Variants in NDST3 observed in about 807,000 individuals in gnomAD.
The protein encoded by NDST3 is bifunctional heparan sulfate N-deacetylase/N-sulfotransferase 3.
In NDST3, 58 loss-of-function variants were observed where a neutral mutation model predicts 96.1. The ratio of observed to expected loss-of-function variants is 0.60; its 90% CI spans 0.49 to 0.75. The LOEUF is 0.75. Among genes scored for constraint, NDST3 ranks in the 30% least tolerant of loss-of-function variants. The probability of loss-of-function intolerance (pLI) is 0.00; values close to 1 mark genes in which losing one functional copy is unlikely to be tolerated. For missense variants in NDST3, 788 were observed against 1,034.2 expected, an observed-to-expected ratio of 0.76 and a Z score of 3.27; for synonymous variants, 333 against 359.7, an observed-to-expected ratio of 0.93 and a Z score of 0.84.
chr4:118,258,572 G>GATAT lies in NDST3; in HGVS notation c.*2862_*2865dup, dbSNP rs1460294871. 1.4e-4 allele frequency: 21 copies of GATAT among 152,044 alleles called. No individual in the cohort carries two copies. Among genetic ancestry groups the GATAT allele is most frequent in the African/African-American group, 4.8e-4 (20 of 41,408 alleles). 9.4% of individuals were successfully genotyped at this position (152,044 alleles called of 1,614,324 possible). On this transcript the variant is annotated 3_prime_UTR_variant, in exon 14 of 14. Coordinates refer to ENST00000296499, the MANE Select transcript of NDST3 (RefSeq NM_004784.3). ...TGAGTTTTTTAAAATAAAAAACCTAGATATAATTCTGATAGTAGCATGGTA... is the reference window on the plus strand; with the variant it reads ...TGAGTTTTTTAAAATAAAAAACCTAGATATATATAATTCTGATAGTAGCATGGTA...
chr4:118,188,504 G>A (rs1737110694), intron 6 of NDST3, among the ~76,000 whole-genome samples: 1 of 151,892 alleles, frequency 6.6e-6, no homozygotes, highest in African/African-American at 2.4e-5. Flanking sequence ...TCCGATTTAG[G>A]TGCAGAGCAC....
intron 4 of NDST3, among the ~76,000 whole-genome samples, chr4:118,121,373 A>G (rs1731554293): frequency 6.6e-6 from 1 of 152,172 alleles, no homozygotes; most frequent in South Asian, 2.1e-4. Flanking sequence ...ATCATATCTA[A>G]TTATTTTTAG....
Position 118,103,411 on chromosome 4 carries a change from A to C in NDST3, c.982-1607A>C, listed in dbSNP as rs1729917321. Reference sequence around the variant, plus strand: ...GAACAACAGAATTGAGAGAGGAAGAAGGGGAGAAGAAAGAAAGGGAAGATA... The same window carrying C: ...GAACAACAGAATTGAGAGAGGAAGACGGGGAGAAGAAAGAAAGGGAAGATA... On this transcript the variant is annotated intron_variant, in intron 2 of 13. Transcript: ENST00000296499. 3.3e-5 allele frequency among the ~76,000 whole-genome samples: 5 copies of C among 152,238 alleles called. 1 individual carries two copies. The South Asian group carries it at 1.0e-3, about 32-fold the overall frequency.
In NDST3 at chr4:118,194,235, G is replaced by A. The variant is rs1015554006; in HGVS notation, c.1540-30256G>A. 27 of 726,474 alleles carry A rather than the reference G, an allele frequency of 3.7e-5. No homozygotes were observed. In the Admixed American group the frequency reaches 4.6e-4, roughly 12 times the overall value. 45.0% of individuals were successfully genotyped at this position (726,474 alleles called of 1,614,324 possible). ...AACTAGTCCTTGTAGCACCCTTCCA[G>A]TGCAATCTCCATGATAGCACCCTCA... On this transcript the variant is annotated intron_variant, in intron 6 of 13. Coordinates refer to ENST00000296499, the MANE Select transcript of NDST3 (RefSeq NM_004784.3).
At chr4:118,120,011 G>C (rs1009711396) in intron 4 of NDST3, among the ~76,000 whole-genome samples, 2 of 152,068 alleles carry the variant, frequency 1.3e-5, no homozygotes, top group Non-Finnish European at 2.9e-5. Flanking sequence ...ATAAGGAAAA[G>C]TATGGAAGTC....
chr4:118,052,449 CT>C (rs1271806747), intron 1 of NDST3, among the ~76,000 whole-genome samples: 1 of 151,976 alleles, frequency 6.6e-6, no homozygotes, highest in African/African-American at 2.4e-5. Context: ...TGCTTACTGC[CT>C]GGGTGACGGG....
intron 1 of NDST3, among the ~76,000 whole-genome samples, chr4:118,044,864 CTT>C: frequency 6.6e-6 from 1 of 152,110 alleles, no homozygotes. Context: ...TTATGACACT[CTT>C]GAGATAAGTA....
intron 6 of NDST3, among the ~76,000 whole-genome samples, chr4:118,154,023 T>C (rs574483956): frequency 1.9e-4 from 29 of 152,204 alleles, no homozygotes; most frequent in African/African-American, 6.3e-4. Context: ...AAAATATCTA[T>C]AGTGAACACC....
At chr4:118,111,074 C>A (rs1298266270) in intron 3 of NDST3, among the ~76,000 whole-genome samples, 1 of 152,142 alleles carries the variant, frequency 6.6e-6, no homozygotes, top group African/African-American at 2.4e-5. Context: ...AGCAGAAAAC[C>A]AAATACCACA....
chr4:118,149,061 T>C (rs1734175612), intron 6 of NDST3, among the ~76,000 whole-genome samples: 1 of 152,104 alleles, frequency 6.6e-6, no homozygotes, highest in Admixed American at 6.5e-5. Flanking sequence ...GATCAGATAG[T>C]TGTAGATATG....
At chr4:118,089,323 AT>A (rs953670226) in intron 2 of NDST3, among the ~76,000 whole-genome samples, 2 of 151,798 alleles carry the variant, frequency 1.3e-5, no homozygotes, top group African/African-American at 4.8e-5. Flanking sequence ...CATTTACTAC[AT>A]TTTTTTGAAG....
chr4:118,121,195 T>A (rs1011709138), intron 4 of NDST3, among the ~76,000 whole-genome samples: 2 of 152,204 alleles, frequency 1.3e-5, no homozygotes, highest in East Asian at 3.8e-4. Flanking sequence ...CAAGTATGAC[T>A]TTTGCATCTT....
intron 12 of NDST3, among the ~76,000 whole-genome samples, chr4:118,248,367 A>G (rs554003449): frequency 1.3e-5 from 2 of 150,860 alleles, no homozygotes; most frequent in African/African-American, 5.0e-5. Context: ...AAGAAAAAAA[A>G]AAGTCACTGT....
chr4:118,082,816 G>A (rs186674835), intron 2 of NDST3, among the ~76,000 whole-genome samples: 16 of 152,232 alleles, frequency 1.1e-4, no homozygotes, highest in Admixed American at 2.0e-4. Flanking sequence ...TTGACTCACC[G>A]TTCCATGGGC....
At chr4:118,095,193 T>C (rs770263599) in intron 2 of NDST3, among the ~76,000 whole-genome samples, 4 of 151,832 alleles carry the variant, frequency 2.6e-5, no homozygotes, top group Admixed American at 1.3e-4. Flanking sequence ...GGGGAGAGCA[T>C]ATCCTTAAGA....
intron 1 of NDST3, among the ~76,000 whole-genome samples, chr4:118,038,625 T>G (rs555194902): frequency 1.3e-5 from 2 of 152,348 alleles, no homozygotes; most frequent in South Asian, 2.1e-4. Context: ...TTGTCAATTT[T>G]TATTATTATT....
Position 118,105,117 on chromosome 4 carries a change from G to T in NDST3, c.1069+12G>T. 1 of 1,589,784 alleles carries T rather than the reference G, an allele frequency of 6.3e-7. No homozygotes were observed. Among genetic ancestry groups the T allele is most frequent in the Non-Finnish European group, 8.6e-7 (1 of 1,158,562 alleles). ...ATTTTACCATACAGGTAAGAAAAAG[G>T]GATTAACTGTTCTCATTAAGGCTTC... On this transcript the variant is annotated intron_variant, in intron 3 of 13. Transcript: ENST00000296499.
intron 12 of NDST3, among the ~76,000 whole-genome samples, chr4:118,251,119 A>ATTATTTTTTTT: frequency 1.1e-5 from 1 of 94,496 alleles, no homozygotes; most frequent in Non-Finnish European, 2.4e-5. Flanking sequence ...TTTATTTATT[A>ATTATTTTTTTT]TTTTTATTTT....
chr4:118,245,912 G>T (rs1741284262), intron 12 of NDST3, among the ~76,000 whole-genome samples: 1 of 152,082 alleles, frequency 6.6e-6, no homozygotes, highest in South Asian at 2.1e-4. Flanking sequence ...GAGGAGGCAG[G>T]ATTGAAACTC....
Sources: gnomAD v4.1 joint callset for allele counts (sites outside exome capture counted in the v4.1 genomes callset) on GRCh38, gnomAD v4.1.1 for gene constraint, MANE v1.5 for transcripts, NCBI Gene and HGNC (gene_info 2026-07-23, HGNC 2026-07-21) for gene names.